The following MYO1H variants were observed in gnomAD, a reference collection of about 807,000 sequenced individuals.
MYO1H encodes unconventional myosin-Ih.
In MYO1H, 118 loss-of-function variants were observed where a neutral mutation model predicts 149.3. That is an observed-to-expected ratio of 0.79 (90% CI 0.68 to 0.92). The LOEUF (loss-of-function observed/expected upper bound fraction) is 0.92. Ranked by LOEUF, MYO1H falls within the 40% of genes least tolerant of loss-of-function variation. The pLI, the probability that MYO1H is intolerant of heterozygous loss-of-function variation, is 0.00. For missense variants in MYO1H, 1,212 were observed against 1,280.7 expected (o/e 0.95, Z 0.82); for synonymous variants, 447 against 465.2 (o/e 0.96, Z 0.50).
the MYO1H span, among the ~76,000 whole-genome samples, chr12:109,316,199 C>A: frequency 6.6e-6 from 1 of 152,128 alleles, no homozygotes; most frequent in Non-Finnish European, 1.5e-5. Flanking sequence ...CCTTTGTCCA[C>A]AAAAGGGCCT....
At chr12:109,440,447 G>A (rs1395974197) in intron 24 of MYO1H, 1 of 334,884 alleles carries the variant, frequency 3.0e-6, no homozygotes. Flanking sequence ...CGGGGCTGTT[G>A]TAAGAGTCCC....
chr12:109,323,423 C>G, the MYO1H span, among the ~76,000 whole-genome samples: 1 of 152,220 alleles, frequency 6.6e-6, no homozygotes, highest in Non-Finnish European at 1.5e-5. Context: ...TCTGTTCCCA[C>G]CAGCTGAGTT....
intron 1 of MYO1H, among the ~76,000 whole-genome samples, chr12:109,363,675 G>A (rs929563786): frequency 2.0e-5 from 3 of 151,886 alleles, no homozygotes; most frequent in Non-Finnish European, 4.4e-5. Flanking sequence ...TCACGCCATT[G>A]CACTCCAGTC....
chr12:109,421,143 A>T, intron 16 of MYO1H, 116 bp downstream of exon 16: 1 of 651,218 alleles, frequency 1.5e-6, no homozygotes, highest in Non-Finnish European at 2.7e-6. Flanking sequence ...TCGTATTAGA[A>T]CTCCAGCATG....
At chr12:109,390,341 A>G (rs1476139300) in intron 2 of MYO1H, among the ~76,000 whole-genome samples, 1 of 151,530 alleles carries the variant, frequency 6.6e-6, no homozygotes, top group African/African-American at 2.4e-5. Flanking sequence ...ACACCCAGCT[A>G]TTTTAGCATA....
At position 109,396,504 on chromosome 12, in the gene MYO1H, T is replaced by G; in HGVS notation, c.411T>G (p.Tyr137Ter). 1.9e-6 allele frequency: 3 copies of G among 1,613,910 alleles called. No homozygotes were observed. Among genetic ancestry groups the G allele is most frequent in the Non-Finnish European group, 2.5e-6 (3 of 1,179,872 alleles). Reference sequence around the variant, plus strand: ...AGGCCTCCAAGAAAATTCTCGAGTATTTTGCAGTGACCTGCCCAATGACCC... The same window carrying G: ...AGGCCTCCAAGAAAATTCTCGAGTAGTTTGCAGTGACCTGCCCAATGACCC... The change falls in exon 4 of 32, where the codon TAT (tyrosine) becomes TAG (stop). Residue 137 changes from tyrosine to a stop codon, truncating the protein, a stop_gained. Transcript: ENST00000310903. LOFTEE classifies it high-confidence loss of function.
intron 3 of MYO1H, among the ~76,000 whole-genome samples, chr12:109,394,616 C>T (rs1156772514): frequency 6.7e-6 from 1 of 149,674 alleles, no homozygotes; most frequent in Non-Finnish European, 1.5e-5. Context: ...AAAAAGGAAA[C>T]TTGAGCAATT....
At chr12:109,445,762 CA>C (rs1592826144) in intron 31 of MYO1H, 150 bp downstream of exon 31, 8 of 1,362,684 alleles carry the variant, frequency 5.9e-6, no homozygotes, top group Middle Eastern at 3.8e-4. Context: ...ATCTGTAAGA[CA>C]GGAAGAAACT....
chr12:109,391,275 A>G (rs1269507813), intron 2 of MYO1H, among the ~76,000 whole-genome samples: 3 of 151,398 alleles, frequency 2.0e-5, no homozygotes, highest in Middle Eastern at 6.4e-3. Flanking sequence ...CTCTCCCACA[A>G]ATGTGTCCAT....
chr12:109,323,884 A>G, the MYO1H span, among the ~76,000 whole-genome samples: 15 of 152,096 alleles, frequency 9.9e-5, no homozygotes, highest in Non-Finnish European at 2.2e-4. Context: ...GAATTCAGAA[A>G]GTGTATAATG....
the MYO1H span, among the ~76,000 whole-genome samples, chr12:109,333,692 C>T: frequency 1.6e-3 from 247 of 152,216 alleles, no homozygotes; most frequent in African/African-American, 5.8e-3. Context: ...TTTACAATGA[C>T]GCAAAAGCAA....
chr12:109,404,848 C>CTTT (rs11286105), intron 7 of MYO1H, among the ~76,000 whole-genome samples: 1 of 136,812 alleles, frequency 7.3e-6, no homozygotes, highest in Non-Finnish European at 1.6e-5. Context: ...ATCTTTTTGT[C>CTTT]TTTTTTTTTT....
Position 109,348,195 on chromosome 12 carries a change from C to G in MYO1H, c.12+223C>G, listed in dbSNP as rs373284144. Among the ~76,000 whole-genome samples, 10 of 152,298 alleles carry G rather than the reference C, an allele frequency of 6.6e-5. No individual in the cohort carries two copies. The East Asian group carries it at 1.7e-3, about 26-fold the overall frequency. On this transcript the variant is annotated intron_variant, in intron 1 of 31. Coordinates refer to ENST00000310903, the Ensembl canonical transcript of MYO1H. Reference sequence around the variant, plus strand: ...CAAGTACGATGATTTAGAACCAAAGCATGGGAGAGTTACCGATTCATTTCA... The same window carrying G: ...CAAGTACGATGATTTAGAACCAAAGGATGGGAGAGTTACCGATTCATTTCA...
Position 109,424,904 on chromosome 12 carries a change from A to G in MYO1H, c.1725+76A>G, listed in dbSNP as rs535187474. The G allele has an allele frequency of 9.4e-5, 104 of 1,103,028 alleles. 1 individual carries two copies. In the East Asian group the frequency reaches 2.5e-3, roughly 27 times the overall value. The allele number at this position is 1,103,028 out of a possible 1,614,324, so 68.3% of individuals were successfully genotyped here. A position where few individuals can be genotyped will look rare whatever the true frequency, so the allele number is the denominator to read the frequency against. On this transcript the variant is annotated intron_variant, in intron 17 of 31. Coordinates refer to ENST00000310903, the Ensembl canonical transcript of MYO1H. ...TGACCACCAACTACCTACGCTTTTTAAGCCACCTTCCCCTTTTCTGGAAGT... is the reference window on the plus strand; with the variant it reads ...TGACCACCAACTACCTACGCTTTTTGAGCCACCTTCCCCTTTTCTGGAAGT...
chr12:109,412,164 T>G (rs77411304), intron 14 of MYO1H, among the ~76,000 whole-genome samples, 179 bp downstream of exon 14: 1 of 152,114 alleles, frequency 6.6e-6, no homozygotes, highest in African/African-American at 2.4e-5. Flanking sequence ...AAATGAATTA[T>G]AATTTTTTTT....
the MYO1H span, among the ~76,000 whole-genome samples, chr12:109,333,519 T>A: frequency 6.6e-6 from 1 of 152,058 alleles, no homozygotes; most frequent in African/African-American, 2.4e-5. Context: ...TTCAGTCTAG[T>A]CCCTGCTGCC....
At chr12:109,349,493 CCA>C (rs1868408084) in intron 1 of MYO1H, among the ~76,000 whole-genome samples, 1 of 109,630 alleles carries the variant, frequency 9.1e-6, no homozygotes, top group African/African-American at 4.1e-5. Context: ...TGTGACCCCC[CCA>C]CCAAAAAAAT....
At chr12:109,326,075 T>C in the MYO1H span, among the ~76,000 whole-genome samples, 2 of 152,162 alleles carry the variant, frequency 1.3e-5, no homozygotes, top group East Asian at 3.8e-4. Flanking sequence ...TTTTCTGTGG[T>C]CCAAGGAGAC....
chr12:109,371,321 A>G (rs1411651292), intron 1 of MYO1H, among the ~76,000 whole-genome samples: 1 of 146,136 alleles, frequency 6.8e-6, no homozygotes, highest in African/African-American at 2.5e-5. Flanking sequence ...GGCTCAGATG[A>G]TCTTCCTACC....
Sources: gnomAD v4.1 joint callset for allele counts (sites outside exome capture counted in the v4.1 genomes callset) on GRCh38, gnomAD v4.1.1 for gene constraint, MANE v1.5 for transcripts, NCBI Gene and HGNC (gene_info 2026-07-23, HGNC 2026-07-21) for gene names.